The following PGCKA1 variants were observed in gnomAD, a reference collection of about 807,000 sequenced individuals.
PGCKA1 encodes the protein PDCD10 and GCKIII kinases associated 1.
At chr4:37,503,790 C>T in the PGCKA1 span, among the ~76,000 whole-genome samples, 12 of 152,158 alleles carry the variant, frequency 7.9e-5, no homozygotes, top group Non-Finnish European at 1.6e-4. Flanking sequence ...ATTTTTTAAT[C>T]GAATTCTTAG....
the PGCKA1 span, among the ~76,000 whole-genome samples, chr4:37,575,764 T>C: frequency 6.6e-6 from 1 of 152,196 alleles, no homozygotes; most frequent in African/African-American, 2.4e-5. Flanking sequence ...CCATTTTGAC[T>C]TGATTTTTAT....
the PGCKA1 span, chr4:37,460,793 C>G: frequency 8.9e-6 from 3 of 338,568 alleles, no homozygotes; most frequent in African/African-American, 6.7e-5. Flanking sequence ...GTTGCCTGTT[C>G]ACTCTGATGA....
At chr4:37,491,434 C>A in the PGCKA1 span, among the ~76,000 whole-genome samples, 1 of 152,176 alleles carries the variant, frequency 6.6e-6, no homozygotes, top group African/African-American at 2.4e-5. Flanking sequence ...TTTGTGGGAA[C>A]ACAATATCCC....
the PGCKA1 span, among the ~76,000 whole-genome samples, chr4:37,516,106 G>C: frequency 6.6e-6 from 1 of 152,130 alleles, no homozygotes; most frequent in Non-Finnish European, 1.5e-5. Flanking sequence ...TTTAGGTATG[G>C]AATTTAAGAG....
chr4:37,550,142 C>T, the PGCKA1 span, among the ~76,000 whole-genome samples: 8 of 152,194 alleles, frequency 5.3e-5, no homozygotes, highest in African/African-American at 7.2e-5. Context: ...GTGACCAGCC[C>T]GATGTGTGCT....
the PGCKA1 span, among the ~76,000 whole-genome samples, chr4:37,557,708 C>T: frequency 1.1e-3 from 166 of 152,332 alleles, no homozygotes; most frequent in Middle Eastern, 3.4e-3. Flanking sequence ...TATTGGACAA[C>T]TCCAACATTT....
At chr4:37,574,373 C>T in the PGCKA1 span, among the ~76,000 whole-genome samples, 2 of 152,012 alleles carry the variant, frequency 1.3e-5, no homozygotes, top group Non-Finnish European at 2.9e-5. Flanking sequence ...AATTCCAACC[C>T]ATTTCACATT....
the PGCKA1 span, among the ~76,000 whole-genome samples, chr4:37,585,006 GT>G: frequency 0.31 from 37,658 of 123,400 alleles, 5,835 homozygotes; most frequent in Middle Eastern, 0.4. Flanking sequence ...TCTTTGACTT[GT>G]TTTTTTTTTT....
the PGCKA1 span, among the ~76,000 whole-genome samples, chr4:37,537,497 C>T: frequency 6.6e-6 from 1 of 152,014 alleles, no homozygotes; most frequent in Non-Finnish European, 1.5e-5. Flanking sequence ...TTTTCCTAGT[C>T]TAGAAATAAC....
the PGCKA1 span, chr4:37,588,807 A>C: frequency 7.2e-7 from 1 of 1,394,562 alleles, no homozygotes; most frequent in Non-Finnish European, 1.0e-6. Flanking sequence ...CTAATATATC[A>C]CTCACTGTGT....
the PGCKA1 span, among the ~76,000 whole-genome samples, chr4:37,550,354 A>G: frequency 6.8e-6 from 1 of 147,956 alleles, no homozygotes; most frequent in African/African-American, 2.5e-5. Context: ...TGGAAAAAAA[A>G]GTTACACAGT....
chr4:37,506,078 T>G, the PGCKA1 span, among the ~76,000 whole-genome samples: 1 of 152,228 alleles, frequency 6.6e-6, no homozygotes, highest in African/African-American at 2.4e-5. Flanking sequence ...GGCATATAGT[T>G]GCTAATAGTA....
chr4:37,468,669 A>G, the PGCKA1 span, among the ~76,000 whole-genome samples: 2 of 152,032 alleles, frequency 1.3e-5, no homozygotes, highest in Non-Finnish European at 2.9e-5. Flanking sequence ...ATTTATTTCA[A>G]CTGAACATTT....
At chr4:37,470,301 GA>G in the PGCKA1 span, among the ~76,000 whole-genome samples, 1 of 152,162 alleles carries the variant, frequency 6.6e-6, no homozygotes, top group Non-Finnish European at 1.5e-5. Context: ...TTCCCAGTTG[GA>G]ACTGATTAAG....
At chr4:37,510,148 A>G in the PGCKA1 span, among the ~76,000 whole-genome samples, 1 of 152,132 alleles carries the variant, frequency 6.6e-6, no homozygotes, top group African/African-American at 2.4e-5. Flanking sequence ...GAGTTTCCTT[A>G]AAACAGCTAT....
chr4:37,550,096 A>G, the PGCKA1 span, among the ~76,000 whole-genome samples: 426 of 152,284 alleles, frequency 2.8e-3, 2 homozygotes, highest in African/African-American at 9.5e-3. Flanking sequence ...ACCTGTTTGT[A>G]TAATAACACT....
chr4:37,468,089 A>C, the PGCKA1 span, among the ~76,000 whole-genome samples: 17,148 of 152,216 alleles, frequency 0.11, 1,293 homozygotes, highest in East Asian at 0.34. Flanking sequence ...CAAAATACCA[A>C]TATCCCGAAC....
chr4:37,571,355 C>CTTTTTTTTTTT, the PGCKA1 span, among the ~76,000 whole-genome samples: 1 of 78,036 alleles, frequency 1.3e-5, no homozygotes, highest in African/African-American at 5.8e-5. Flanking sequence ...GACTATTATC[C>CTTTTTTTTTTT]TTTTTTTTTT....
chr4:37,569,942 A>G, the PGCKA1 span, among the ~76,000 whole-genome samples: 7 of 148,146 alleles, frequency 4.7e-5, no homozygotes, highest in Non-Finnish European at 7.4e-5. Flanking sequence ...GAAATGGACT[A>G]TTTGATGGTG....
Sources: gnomAD v4.1 joint callset for allele counts (sites outside exome capture counted in the v4.1 genomes callset) on GRCh38, gnomAD v4.1.1 for gene constraint, MANE v1.5 for transcripts, NCBI Gene and HGNC (gene_info 2026-07-23, HGNC 2026-07-21) for gene names.